Variants in CNTNAP2 observed in about 807,000 individuals in gnomAD.
CNTNAP2 encodes the protein contactin associated protein 2.
CNTNAP2 carries 98 observed loss-of-function variants against 155.2 expected under a neutral mutation model. The observed-to-expected ratio is 0.63, with a 90% CI of 0.54 to 0.75. The LOEUF (loss-of-function observed/expected upper bound fraction) is 0.75, where lower values mean the gene tolerates loss of function less well. CNTNAP2 is among the 30% of genes least tolerant of loss of function. The pLI, the probability that CNTNAP2 is intolerant of heterozygous loss-of-function variation, is 0.00. For missense variants in CNTNAP2, 1,727 were observed against 1,688.1 expected (o/e 1.02, Z -0.40); for synonymous variants, 651 against 631.2 (o/e 1.03, Z -0.47).
At chr7:147,914,078 A>T (rs1800116396) in intron 14 of CNTNAP2, among the ~76,000 whole-genome samples, 1 of 152,140 alleles carries the variant, frequency 6.6e-6, no homozygotes, top group Non-Finnish European at 1.5e-5. Flanking sequence ...TAACCTGTAG[A>T]CAGCAGAAAT....
intron 15 of CNTNAP2, among the ~76,000 whole-genome samples, chr7:148,032,048 G>A (rs1221647133): frequency 6.6e-6 from 1 of 152,106 alleles, no homozygotes; most frequent in Non-Finnish European, 1.5e-5. Context: ...GACTGCAGCC[G>A]CGCGGTGCCC....
At chr7:147,099,173 T>C (rs1396337257) in intron 4 of CNTNAP2, among the ~76,000 whole-genome samples, 1 of 152,128 alleles carries the variant, frequency 6.6e-6, no homozygotes, top group East Asian at 1.9e-4. Flanking sequence ...AGGCTGATCC[T>C]AGTTGTCTTG....
At chr7:147,605,067 C>G (rs1270506643) in intron 12 of CNTNAP2, among the ~76,000 whole-genome samples, 1 of 130,472 alleles carries the variant, frequency 7.7e-6, no homozygotes, top group South Asian at 2.5e-4. Flanking sequence ...AGTGATTTGT[C>G]CAAGTTCATA....
intron 14 of CNTNAP2, among the ~76,000 whole-genome samples, chr7:147,954,458 A>G (rs1297546070): frequency 6.6e-6 from 1 of 151,990 alleles, no homozygotes; most frequent in African/African-American, 2.4e-5. Flanking sequence ...CAGCAAGCAG[A>G]AGAGACAATA....
chr7:148,123,651 G>GGAAGGAAT (rs1417760729), intron 16 of CNTNAP2, among the ~76,000 whole-genome samples: 2 of 140,614 alleles, frequency 1.4e-5, no homozygotes, highest in African/African-American at 5.8e-5. Flanking sequence ...AAGGAAGGAA[G>GGAAGGAAT]GAAGGAAGGA....
chr7:147,644,142 G>A (rs1240471464), intron 13 of CNTNAP2, among the ~76,000 whole-genome samples: 1 of 152,114 alleles, frequency 6.6e-6, no homozygotes, highest in Non-Finnish European at 1.5e-5. Context: ...TTAGAATGAG[G>A]CATACCAATT....
chr7:146,224,580 T>G (rs569490884), intron 1 of CNTNAP2, among the ~76,000 whole-genome samples: 72 of 34,882 alleles, frequency 2.1e-3, no homozygotes, highest in African/African-American at 7.6e-3. Flanking sequence ...ACCCCGTCTC[T>G]ACAAAAAATA....
At chr7:146,173,810 C>G (rs983497965) in intron 1 of CNTNAP2, among the ~76,000 whole-genome samples, 1 of 152,256 alleles carries the variant, frequency 6.6e-6, no homozygotes, top group East Asian at 1.9e-4. Flanking sequence ...TGATGAGACT[C>G]CTAACTTGTA....
chr7:148,270,690 G>A (rs1025966407), intron 21 of CNTNAP2, among the ~76,000 whole-genome samples: 7 of 152,200 alleles, frequency 4.6e-5, no homozygotes, highest in African/African-American at 1.7e-4. Flanking sequence ...AGTAAGATTC[G>A]CACAGAGGTG....
intron 13 of CNTNAP2, among the ~76,000 whole-genome samples, chr7:147,732,211 CAG>C (rs1166019835): frequency 1.3e-5 from 2 of 148,458 alleles, no homozygotes; most frequent in Admixed American, 6.8e-5. Context: ...TGACAGGCCC[CAG>C]TGTGTGATGT....
At chr7:147,753,664 G>A (rs901628285) in intron 13 of CNTNAP2, among the ~76,000 whole-genome samples, 10 of 152,042 alleles carry the variant, frequency 6.6e-5, no homozygotes, top group Admixed American at 6.6e-4. Context: ...TCGGTAATGG[G>A]GACAAGAGAA....
chr7:147,553,508 T>C (rs1799892138), intron 11 of CNTNAP2, among the ~76,000 whole-genome samples: 1 of 152,210 alleles, frequency 6.6e-6, no homozygotes, highest in Non-Finnish European at 1.5e-5. Context: ...CTCTGAGTAC[T>C]TTGTTTTATA....
intron 1 of CNTNAP2, among the ~76,000 whole-genome samples, chr7:146,480,557 G>A (rs980670080): frequency 7.9e-5 from 12 of 151,384 alleles, no homozygotes; most frequent in African/African-American, 2.7e-4. Context: ...GTTATTCTTC[G>A]TCCCAGGTTG....
chr7:146,235,951 A>T (rs912472327), intron 1 of CNTNAP2, among the ~76,000 whole-genome samples: 1 of 126,570 alleles, frequency 7.9e-6, no homozygotes, highest in Non-Finnish European at 1.7e-5. Flanking sequence ...TACATATGGA[A>T]ATGTGTGTGT....
rs763186743 is a variant in CNTNAP2 at position 148,211,637 on chromosome 7, C to T, written c.3011-5651C>T. 1.2e-4 allele frequency among the ~76,000 whole-genome samples: 19 copies of T among 152,236 alleles called. 1 individual carries two copies. The highest frequency in any genetic ancestry group is 5.2e-4 in the Admixed American group (8 of 15,288). On this transcript the variant is annotated intron_variant, in intron 18 of 23. Transcript: ENST00000361727. The stretch of plus-strand genomic sequence containing the variant: ...AAGCCAGTTGCTTAACATCTACCAA[C>T]TTACCATTGGGTCACTTCGTTGAAA...
At chr7:147,519,514 A>G (rs1300222349) in intron 11 of CNTNAP2, among the ~76,000 whole-genome samples, 1 of 152,232 alleles carries the variant, frequency 6.6e-6, no homozygotes, top group Admixed American at 6.5e-5. Context: ...CATCTTGGGA[A>G]GTCATTATTC....
At chr7:147,103,042 A>G (rs1800687429) in intron 4 of CNTNAP2, among the ~76,000 whole-genome samples, 1 of 152,168 alleles carries the variant, frequency 6.6e-6, no homozygotes, top group African/African-American at 2.4e-5. Flanking sequence ...ATTTCTTCCA[A>G]TCTAGTGACT....
chr7:147,061,152 T>C (rs1371914485), intron 4 of CNTNAP2, among the ~76,000 whole-genome samples: 1 of 152,160 alleles, frequency 6.6e-6, no homozygotes, highest in Non-Finnish European at 1.5e-5. Flanking sequence ...TTACTATTAA[T>C]GGGCATGAAG....
intron 13 of CNTNAP2, among the ~76,000 whole-genome samples, chr7:147,710,708 T>C (rs998970599): frequency 2.6e-5 from 4 of 152,304 alleles, no homozygotes; most frequent in Non-Finnish European, 4.4e-5. Context: ...TGAATGAATA[T>C]GGTGAGTTTT....
Sources: allele counts gnomAD v4.1 joint callset (sites outside exome capture counted in the v4.1 genomes callset), GRCh38; gene constraint gnomAD v4.1.1; transcripts MANE v1.5; gene names NCBI Gene and HGNC (gene_info 2026-07-23, HGNC 2026-07-21).